SLAMF9: variants seen among roughly 807,000 people sequenced by gnomAD.
SLAMF9 encodes CD2 family member 10.
In SLAMF9, 25 loss-of-function variants were observed where a neutral mutation model predicts 30.4. That is an observed-to-expected ratio of 0.82 (90% CI 0.60 to 1.15). The LOEUF (loss-of-function observed/expected upper bound fraction) is 1.15. Ranked by LOEUF, SLAMF9 falls within the 50% of genes most tolerant of loss-of-function variation. SLAMF9 has a pLI of 0.00. For synonymous variants in SLAMF9, 129 were observed against 127.2 expected (o/e 1.01, Z -0.09); for missense variants, 344 against 346.1 (o/e 0.99, Z 0.05).
Position 159,951,560 on chromosome 1 carries a change from A to G in SLAMF9, c.*101T>C. ...CAGAAGTATGGCTCTCTGGATACCC[A>G]CCCCTGAGCACCTCCTTCCCCTGGA... is the stretch of plus-strand genomic sequence containing the variant. On this transcript the variant is annotated 3_prime_UTR_variant, in exon 4 of 4. Coordinates refer to ENST00000368093, the MANE Select transcript of SLAMF9 (RefSeq NM_033438.4). 9.0e-7 allele frequency: 1 copy of G among 1,110,394 alleles called. No homozygotes were observed. Among genetic ancestry groups the G allele is most frequent in the Non-Finnish European group, 1.3e-6 (1 of 760,806 alleles). 68.8% of individuals were successfully genotyped at this position (1,110,394 alleles called of 1,614,324 possible).
the SLAMF9 span, chr1:159,976,933 A>G: frequency 1.5e-3 from 1 of 678 alleles, no homozygotes; most frequent in African/African-American, 1.8e-3. Context: ...AGAAAGAAAG[A>G]AAGAAAGAAA....
the SLAMF9 span, among the ~76,000 whole-genome samples, chr1:159,974,621 G>A: frequency 5.3e-4 from 81 of 152,178 alleles, no homozygotes; most frequent in African/African-American, 1.1e-3. Context: ...CACCAATACC[G>A]ATCCCCAGCA....
chr1:159,956,380 G>A (rs1176508418), upstream of SLAMF9, among the ~76,000 whole-genome samples: 1 of 152,080 alleles, frequency 6.6e-6, no homozygotes, highest in Non-Finnish European at 1.5e-5. Context: ...TGAGGTGGGA[G>A]GATTGTTGAG....
Position 159,954,114 on chromosome 1 carries a change from A to G in SLAMF9, c.24T>C (p.Leu8=). The part of the protein sequence containing the change: MCAFPWL[L]LLLLLQEGSQ... ...CACCCTCCTGGAGCAGCAGGAGAAG[A>G]AGCAGCCAAGGAAAGGCACACATGT... Residue 8 remains leucine, a synonymous_variant, in exon 1 of 4, where the codon CTT becomes CTC. Transcript: ENST00000368093. The G allele has an allele frequency of 6.2e-7, 1 of 1,614,024 alleles. No homozygotes were observed. Among genetic ancestry groups the G allele is most frequent in the South Asian group, 1.1e-5 (1 of 91,072 alleles).
chr1:159,973,876 A>G, the SLAMF9 span: 1 of 1,612,810 alleles, frequency 6.2e-7, no homozygotes, highest in South Asian at 1.1e-5. Context: ...GTGCAGCTGT[A>G]CTGGCCACGG....
the SLAMF9 span, among the ~76,000 whole-genome samples, chr1:159,963,226 A>G: frequency 6.6e-6 from 1 of 152,310 alleles, no homozygotes; most frequent in East Asian, 1.9e-4. Context: ...TTATTACTGA[A>G]GGTTGGTTAA....
In SLAMF9 at chr1:159,951,625, GA is replaced by G; in HGVS notation, c.*35del. On this transcript the variant is annotated 3_prime_UTR_variant, in exon 4 of 4. Transcript: ENST00000368093. The stretch of plus-strand genomic sequence containing the variant: ...GGAAGGATTCTCTGGGTGCTGGGAA[GA>G]AACCAAGCTCAGGACTGGGGTTCCC... 6.2e-7 allele frequency: 1 copy of G among 1,600,902 alleles called. No homozygotes were observed. Among genetic ancestry groups the G allele is most frequent in the Non-Finnish European group, 8.5e-7 (1 of 1,169,948 alleles).
the SLAMF9 span, among the ~76,000 whole-genome samples, chr1:159,974,867 G>A: frequency 9.2e-5 from 14 of 152,282 alleles, no homozygotes; most frequent in Admixed American, 2.0e-4. Flanking sequence ...TTCCCATTAT[G>A]AGCAAGAAGA....
At chr1:159,957,122 AAAAAAAAAAAAAAAAGAC>A (rs1183789968), upstream of SLAMF9, among the ~76,000 whole-genome samples, 78 of 5,146 alleles carry the variant, frequency 0.015, no homozygotes, top group East Asian at 0.48. Flanking sequence ...ACTCTGTCTC[AAAAAAAAAAAAAAAAGAC>A]AAAAAAAAAA....
the SLAMF9 span, chr1:159,961,116 T>C: frequency 5.2e-4 from 79 of 152,174 alleles, no homozygotes; most frequent in African/African-American, 1.8e-3. Flanking sequence ...TATGACATTA[T>C]TATATATAAT....
chr1:159,957,047 G>A (rs1387951066), upstream of SLAMF9, among the ~76,000 whole-genome samples: 12 of 150,556 alleles, frequency 8.0e-5, no homozygotes, highest in South Asian at 4.2e-4. Flanking sequence ...GCGTGAATCC[G>A]GGAGGCGGAG....
At chr1:159,969,261 G>T in the SLAMF9 span, among the ~76,000 whole-genome samples, 3 of 139,368 alleles carry the variant, frequency 2.2e-5, no homozygotes, top group East Asian at 4.9e-4. Flanking sequence ...TAGCTGCCTG[G>T]GGGGGATGGA....
the SLAMF9 span, chr1:159,973,757 A>T: frequency 6.3e-7 from 1 of 1,588,740 alleles, no homozygotes. Flanking sequence ...GACCCCTGAG[A>T]GGCACCTCCT....
At chr1:159,952,091 G>A (rs1361865757) in intron 3 of SLAMF9, among the ~76,000 whole-genome samples, 171 bp downstream of exon 3, 1 of 152,144 alleles carries the variant, frequency 6.6e-6, no homozygotes, top group Non-Finnish European at 1.5e-5. Context: ...TTGGAAGTTG[G>A]GGGCACTAGA....
the SLAMF9 span, among the ~76,000 whole-genome samples, chr1:159,982,075 A>C: frequency 6.6e-6 from 1 of 152,178 alleles, no homozygotes; most frequent in Non-Finnish European, 1.5e-5. Context: ...TTCTCAACAA[A>C]TCTGGCTGCC....
At chr1:159,967,906 T>A in the SLAMF9 span, among the ~76,000 whole-genome samples, 1 of 152,206 alleles carries the variant, frequency 6.6e-6, no homozygotes, top group Non-Finnish European at 1.5e-5. Flanking sequence ...TTTGGATAGC[T>A]TGTTATTAAC....
chr1:159,975,704 T>C, the SLAMF9 span, among the ~76,000 whole-genome samples: 1,383 of 152,008 alleles, frequency 9.1e-3, 12 homozygotes, highest in African/African-American at 0.031. Context: ...GAGAGAGGTG[T>C]CAGCTGAAAC....
At chr1:159,970,965 T>C in the SLAMF9 span, among the ~76,000 whole-genome samples, 1 of 152,162 alleles carries the variant, frequency 6.6e-6, no homozygotes. Context: ...CCCATGGGGT[T>C]AGGACAAGGT....
chr1:159,982,662 A>T, the SLAMF9 span, among the ~76,000 whole-genome samples: 1 of 152,194 alleles, frequency 6.6e-6, no homozygotes. Flanking sequence ...TATCTCCAAC[A>T]CTAGCATAGT....
Sources: allele counts gnomAD v4.1 joint callset (sites outside exome capture counted in the v4.1 genomes callset), GRCh38; gene constraint gnomAD v4.1.1; transcripts MANE v1.5; gene names NCBI Gene and HGNC (gene_info 2026-07-23, HGNC 2026-07-21).